PRKN: variants seen among roughly 807,000 people sequenced by gnomAD.
The protein encoded by PRKN is E3 ubiquitin-protein ligase parkin.
In PRKN, 56 loss-of-function variants were observed where a neutral mutation model predicts 59.5. That is an observed-to-expected ratio of 0.94 (90% CI 0.76 to 1.18). The LOEUF is 1.18. PRKN is among the 50% of genes most tolerant of loss of function. The pLI, the probability that PRKN is intolerant of heterozygous loss-of-function variation, is 0.00. For synonymous variants in PRKN, 250 were observed against 222.1 expected, an observed-to-expected ratio of 1.13 and a Z score of -1.12; for missense variants, 657 against 596.4, an observed-to-expected ratio of 1.10 and a Z score of -1.06.
At chr6:162,390,172 C>T (rs2128144128) in intron 2 of PRKN, among the ~76,000 whole-genome samples, 1 of 151,856 alleles carries the variant, frequency 6.6e-6, no homozygotes, top group South Asian at 2.1e-4. Flanking sequence ...GGAAAGAGTC[C>T]AGTTCTGACT....
At chr6:161,849,976 C>A (rs1793358420) in intron 6 of PRKN, among the ~76,000 whole-genome samples, 1 of 152,064 alleles carries the variant, frequency 6.6e-6, no homozygotes, top group South Asian at 2.1e-4. Flanking sequence ...CCCAGCCCAG[C>A]ACAGTCCCAA....
chr6:161,551,306 G>A lies in PRKN; in HGVS notation c.934-2303C>T, dbSNP rs183787790. Among the ~76,000 whole-genome samples, 18 of 152,292 alleles carry A rather than the reference G, an allele frequency of 1.2e-4. No individual in the cohort carries two copies. The highest frequency in any genetic ancestry group is 3.3e-4 in the Admixed American group (5 of 15,312). On this transcript the variant is annotated intron_variant, in intron 8 of 11. Transcript: ENST00000366898. This position sits in a 1 kb window ranked among gnomAD's most constrained non-coding sequence, Gnocchi z 5.2. ...GGGGAGGCGCGCTGGCGACCTGAAC[G>A]TCTCCAGGTCCTGCCTGAGTCTCAG... is the stretch of plus-strand genomic sequence containing the variant.
At chr6:162,552,329 C>A (rs986501435) in intron 1 of PRKN, among the ~76,000 whole-genome samples, 1 of 152,150 alleles carries the variant, frequency 6.6e-6, no homozygotes, top group East Asian at 1.9e-4. Context: ...GACCGATCTA[C>A]GTTTTAATAA....
chr6:161,748,644 C>T (rs756453079), intron 7 of PRKN, among the ~76,000 whole-genome samples: 46 of 152,112 alleles, frequency 3.0e-4, no homozygotes, highest in Admixed American at 9.2e-4. Flanking sequence ...TGTCGGGTCA[C>T]TGACAAAGGC....
At chr6:162,193,492 C>T (rs1784373924) in intron 4 of PRKN, among the ~76,000 whole-genome samples, 2 of 152,176 alleles carry the variant, frequency 1.3e-5, no homozygotes, top group East Asian at 1.9e-4. Context: ...CGTCTATCCC[C>T]TCCATCCTCT....
chr6:161,961,767 T>C (rs1780388625), intron 6 of PRKN, among the ~76,000 whole-genome samples: 1 of 152,186 alleles, frequency 6.6e-6, no homozygotes, highest in Non-Finnish European at 1.5e-5. Flanking sequence ...TCAGTAAATA[T>C]CTGTTGAATG....
intron 9 of PRKN, among the ~76,000 whole-genome samples, chr6:161,432,355 A>ATTTTTTTTTTTTTTTTTTTTTTTTTTTT (rs1188841520): frequency 3.3e-5 from 3 of 92,184 alleles, no homozygotes; most frequent in African/African-American, 4.5e-5. Flanking sequence ...ACTTCCTCTG[A>ATTTTTTTTTTTTTTTTTTTTTTTTTTTT]TTTTTTTTTT....
At position 161,457,401 on chromosome 6, in the gene PRKN, A is replaced by G. The variant is rs901314808; in HGVS notation, c.1084-70524T>C. Among the ~76,000 whole-genome samples the G allele has an allele frequency of 2.6e-5, 4 of 152,214 alleles. No homozygotes were observed. The highest frequency in any genetic ancestry group is 9.6e-5 in the African/African-American group (4 of 41,452). ...AATTTCTACTGAAAACATCAAATAA[A>G]AAAGCTACTACTTTAATAGAAATTA... On this transcript the variant is annotated intron_variant, in intron 9 of 11. Transcript: ENST00000366898. The surrounding 1 kb of genome is among the most constrained non-coding windows in gnomAD (Gnocchi z 5.0).
At chr6:161,889,781 C>T (rs1440700709) in intron 6 of PRKN, among the ~76,000 whole-genome samples, 1 of 152,178 alleles carries the variant, frequency 6.6e-6, no homozygotes, top group Non-Finnish European at 1.5e-5. Context: ...ATGTAAACTT[C>T]CCTCTTGAGA....
chr6:161,677,198 G>C (rs1785118875), intron 7 of PRKN, among the ~76,000 whole-genome samples: 1 of 151,940 alleles, frequency 6.6e-6, no homozygotes. Flanking sequence ...TGATACAAGT[G>C]GATTATCTAT....
rs886061232 is a variant in PRKN at position 161,348,943 on chromosome 6, G to C, written c.*1156C>G. The C allele has an allele frequency of 9.9e-6, 2 of 201,866 alleles. No individual in the cohort carries two copies. The highest frequency in any genetic ancestry group is 1.0e-5 in the Non-Finnish European group (1 of 98,318). 12.5% of individuals were successfully genotyped at this position (201,866 alleles called of 1,614,324 possible). On this transcript the variant is annotated 3_prime_UTR_variant, in exon 12 of 12. Coordinates refer to ENST00000366898, the MANE Select transcript of PRKN (RefSeq NM_004562.3). The surrounding 1 kb of genome is among the most constrained non-coding windows in gnomAD (Gnocchi z 4.9). ...GAAATCCAATCCATGTCAACATAAG[G>C]AATATTCTAGTGAGTTTACTGTCCT...
chr6:162,362,438 G>A (rs1785192401), intron 2 of PRKN, among the ~76,000 whole-genome samples: 2 of 152,116 alleles, frequency 1.3e-5, no homozygotes, highest in East Asian at 1.9e-4. Context: ...ATATTTGGGG[G>A]TGGGAGGTGG....
chr6:162,556,372 T>TGTGC lies in PRKN; in HGVS notation c.8-112900_8-112899insGCAC, dbSNP rs1554243467. 3.4e-4 allele frequency among the ~76,000 whole-genome samples: 34 copies of TGTGC among 99,364 alleles called. 1 individual carries two copies. The highest frequency in any genetic ancestry group is 7.1e-4 in the African/African-American group (25 of 34,970). 65.2% of individuals were successfully genotyped at this position (99,364 alleles called of 152,430 possible). On this transcript the variant is annotated intron_variant, in intron 1 of 11. Coordinates refer to ENST00000366898, the MANE Select transcript of PRKN (RefSeq NM_004562.3). ...GTGTGTGTGTGTGTGTGTGTGTGTG[T>TGTGC]GTGTGTGTGTGTGTGTGTGTGTGTG...
intron 9 of PRKN, among the ~76,000 whole-genome samples, chr6:161,536,947 C>T (rs1198321123): frequency 1.3e-5 from 2 of 152,330 alleles, no homozygotes; most frequent in Middle Eastern, 3.4e-3. Flanking sequence ...CATCCCATTA[C>T]AGGAAGTTCT....
At chr6:162,384,040 A>G (rs921206213) in intron 2 of PRKN, among the ~76,000 whole-genome samples, 4 of 152,194 alleles carry the variant, frequency 2.6e-5, no homozygotes, top group Admixed American at 2.6e-4. Flanking sequence ...GAATGTTGTA[A>G]CTGGCTTGAA....
intron 6 of PRKN, among the ~76,000 whole-genome samples, chr6:161,799,630 G>A (rs1790998723): frequency 6.6e-6 from 1 of 152,184 alleles, no homozygotes; most frequent in African/African-American, 2.4e-5. Context: ...CCTACTATGG[G>A]CCAGGCACTT....
intron 2 of PRKN, among the ~76,000 whole-genome samples, chr6:162,441,325 A>G (rs1284564265): frequency 6.6e-6 from 1 of 152,044 alleles, no homozygotes; most frequent in Non-Finnish European, 1.5e-5. Context: ...TTTTTTGTCC[A>G]ATCTTCAACA....
intron 6 of PRKN, among the ~76,000 whole-genome samples, chr6:161,942,839 T>C (rs910736976): frequency 3.3e-5 from 5 of 152,160 alleles, no homozygotes; most frequent in African/African-American, 1.2e-4. Context: ...CATATACCCC[T>C]TTAAGAGTAG....
chr6:161,745,581 A>G (rs1788380808), intron 7 of PRKN, among the ~76,000 whole-genome samples: 1 of 152,176 alleles, frequency 6.6e-6, no homozygotes, highest in South Asian at 2.1e-4. Context: ...AATATCTTGT[A>G]GGCAGTTTGT....
Sources: gnomAD v4.1 joint callset for allele counts (sites outside exome capture counted in the v4.1 genomes callset) on GRCh38, gnomAD v4.1.1 for gene constraint, Gnocchi (gnomAD v3.1) non-coding constraint, MANE v1.5 for transcripts, NCBI Gene and HGNC (gene_info 2026-07-23, HGNC 2026-07-21) for gene names.